The following PDE1C variants were observed in gnomAD, a reference collection of about 807,000 sequenced individuals.
PDE1C encodes the protein phosphodiesterase 1C, also known as dual specificity calcium/calmodulin-dependent 3',5'-cyclic nucleotide phosphodiesterase 1C.
A neutral mutation model predicts 93.1 loss-of-function variants in PDE1C; 62 were observed. That is an observed-to-expected ratio of 0.67 (90% CI 0.54 to 0.82). PDE1C has a LOEUF of 0.82. PDE1C is among the 40% of genes least tolerant of loss of function. The pLI is 0.00. For synonymous variants in PDE1C, 325 were observed against 310.1 expected, an observed-to-expected ratio of 1.05 and a Z score of -0.50; for missense variants, 742 against 884.6, an observed-to-expected ratio of 0.84 and a Z score of 2.04.
chr7:31,683,394 C>T, the PDE1C span, among the ~76,000 whole-genome samples: 1 of 149,878 alleles, frequency 6.7e-6, no homozygotes, highest in African/African-American at 2.5e-5. Context: ...TTTAATGTGA[C>T]AATTCATATC....
chr7:31,969,882 T>A (rs1416612594), intron 2 of PDE1C, among the ~76,000 whole-genome samples: 2 of 151,990 alleles, frequency 1.3e-5, no homozygotes, highest in Non-Finnish European at 1.5e-5. Context: ...CTCAGCAAAC[T>A]ATCGCAAGGA....
chr7:31,988,072 T>C (rs543536832), intron 2 of PDE1C, among the ~76,000 whole-genome samples: 1 of 152,320 alleles, frequency 6.6e-6, no homozygotes, highest in Admixed American at 6.5e-5. Flanking sequence ...AAGCTCACAC[T>C]GGGGCTGACA....
chr7:32,112,804 ATGTG>A (rs150245670), intron 3 of PDE1C, among the ~76,000 whole-genome samples: 31 of 66,738 alleles, frequency 4.6e-4, no homozygotes, highest in African/African-American at 7.9e-4. Flanking sequence ...ATATACATAT[ATGTG>A]TGTGTGTGTG....
At chr7:32,186,228 G>T (rs942417029) in intron 2 of PDE1C, among the ~76,000 whole-genome samples, 1 of 150,580 alleles carries the variant, frequency 6.6e-6, no homozygotes, top group Non-Finnish European at 1.5e-5. Context: ...TCAGCCTCCC[G>T]AGTAGCTGGG....
At chr7:31,798,465 A>C (rs1328243478) in intron 16 of PDE1C, among the ~76,000 whole-genome samples, 1 of 151,756 alleles carries the variant, frequency 6.6e-6, no homozygotes. Context: ...AAATTTCACT[A>C]AAAAGTCCTA....
chr7:31,658,469 G>C, the PDE1C span: 2 of 1,289,990 alleles, frequency 1.6e-6, no homozygotes, highest in Non-Finnish European at 2.0e-6. Flanking sequence ...TTTGTAAAGA[G>C]GTTAGAGTAT....
chr7:32,187,231 C>T lies in PDE1C; in HGVS notation c.137-17275G>A, dbSNP rs964967687. 3.3e-5 allele frequency among the ~76,000 whole-genome samples: 5 copies of T among 152,088 alleles called. No individual in the cohort carries two copies. In the East Asian group the frequency reaches 9.6e-4, roughly 29 times the overall value. ...CGGGCCTCCAACTCCTGGGCTCAAG[C>T]AATACTCCTGCCTCAGTCTCTCAAG... On this transcript the variant is annotated intron_variant, in intron 2 of 18. Transcript: ENST00000396193.
intron 5 of PDE1C, among the ~76,000 whole-genome samples, chr7:31,874,072 T>C (rs1456998559): frequency 4.6e-5 from 7 of 152,208 alleles, no homozygotes; most frequent in Non-Finnish European, 8.8e-5. Flanking sequence ...AAAGCATTCA[T>C]TTCATATGAC....
At chr7:31,903,876 A>G (rs1800270762) in intron 2 of PDE1C, among the ~76,000 whole-genome samples, 1 of 152,168 alleles carries the variant, frequency 6.6e-6, no homozygotes, top group Non-Finnish European at 1.5e-5. Flanking sequence ...AAGGACCAAT[A>G]TTAATGCTTA....
chr7:32,128,421 T>C (rs964876085), intron 3 of PDE1C, among the ~76,000 whole-genome samples: 4 of 151,908 alleles, frequency 2.6e-5, no homozygotes, highest in Non-Finnish European at 5.9e-5. Context: ...AATGGGGAGA[T>C]TGCAACATGT....
chr7:32,170,566 T>C (rs1802581363), intron 2 of PDE1C, among the ~76,000 whole-genome samples: 1 of 152,220 alleles, frequency 6.6e-6, no homozygotes, highest in Non-Finnish European at 1.5e-5. Flanking sequence ...TGAGAAGTTG[T>C]GTTGATAGTG....
At chr7:32,028,539 C>T (rs1789797862) in intron 2 of PDE1C, among the ~76,000 whole-genome samples, 1 of 152,102 alleles carries the variant, frequency 6.6e-6, no homozygotes, top group Middle Eastern at 3.4e-3. Flanking sequence ...AGTATATATC[C>T]TTCCCATTTC....
At chr7:32,229,310 G>T (rs1303693888) in intron 1 of PDE1C, among the ~76,000 whole-genome samples, 1 of 152,192 alleles carries the variant, frequency 6.6e-6, no homozygotes, top group Non-Finnish European at 1.5e-5. Context: ...GTACAGCCAG[G>T]CAGGTTGTGC....
At chr7:32,084,920 C>G (rs1412688332) in intron 3 of PDE1C, among the ~76,000 whole-genome samples, 2 of 147,266 alleles carry the variant, frequency 1.4e-5, no homozygotes, top group Admixed American at 1.4e-4. Flanking sequence ...AAAATTGACA[C>G]CCTAATATCA....
intron 2 of PDE1C, among the ~76,000 whole-genome samples, chr7:31,936,117 CAAAT>C (rs1206211406): frequency 6.7e-6 from 1 of 149,488 alleles, no homozygotes; most frequent in Non-Finnish European, 1.5e-5. Flanking sequence ...TGGGATCTGA[CAAAT>C]AAGTTTTTTT....
At chr7:31,708,582 G>T in the PDE1C span, 19 of 152,342 alleles carry the variant, frequency 1.2e-4, no homozygotes, top group Admixed American at 9.1e-4. Context: ...GGCCTGCAGA[G>T]ATTTTAAAAT....
the PDE1C span, among the ~76,000 whole-genome samples, chr7:31,645,901 G>A: frequency 3.3e-5 from 5 of 152,068 alleles, no homozygotes; most frequent in Non-Finnish European, 5.9e-5. Flanking sequence ...TCAGCTCTAA[G>A]AGAATAAACA....
At chr7:32,088,390 A>C (rs1797254461) in intron 3 of PDE1C, among the ~76,000 whole-genome samples, 1 of 152,220 alleles carries the variant, frequency 6.6e-6, no homozygotes, top group Non-Finnish European at 1.5e-5. Context: ...TAACAGCCTC[A>C]CACCGAATCC....
chr7:32,073,666 C>T (rs1260499625), upstream of PDE1C, among the ~76,000 whole-genome samples: 4 of 152,204 alleles, frequency 2.6e-5, no homozygotes, highest in African/African-American at 9.7e-5. Context: ...ACTTTGTCTT[C>T]TCTCTGCCAA....
Sources: gnomAD v4.1 joint callset for allele counts (sites outside exome capture counted in the v4.1 genomes callset) on GRCh38, gnomAD v4.1.1 for gene constraint, MANE v1.5 for transcripts, NCBI Gene and HGNC (gene_info 2026-07-23, HGNC 2026-07-21) for gene names.